SLC8A1: variants seen among roughly 807,000 people sequenced by gnomAD.
The protein encoded by SLC8A1 is solute carrier family 8 member A1.
A neutral mutation model predicts 68.3 loss-of-function variants in SLC8A1; 18 were observed. The observed-to-expected ratio is 0.26, with a 90% CI of 0.18 to 0.39. The LOEUF (loss-of-function observed/expected upper bound fraction) is 0.39, where lower values mean the gene tolerates loss of function less well. Among genes scored for constraint, SLC8A1 ranks in the 10% least tolerant of loss-of-function variants. The pLI, the probability that SLC8A1 is intolerant of heterozygous loss-of-function variation, is 1.00. For synonymous variants in SLC8A1, 475 were observed against 415.5 expected (o/e 1.14, Z -1.74); for missense variants, 985 against 1,156.7 (o/e 0.85, Z 2.15).
intron 2 of SLC8A1, among the ~76,000 whole-genome samples, chr2:40,241,429 C>T (rs1024163393): frequency 2.0e-5 from 3 of 152,158 alleles, no homozygotes; most frequent in Admixed American, 2.0e-4. Flanking sequence ...CCCCAAACTT[C>T]AGCATCACAC....
chr2:40,188,824 T>A (rs901527825), intron 2 of SLC8A1, among the ~76,000 whole-genome samples: 3 of 152,210 alleles, frequency 2.0e-5, no homozygotes, highest in Non-Finnish European at 4.4e-5. Flanking sequence ...AAATGCACAG[T>A]GGCAAATCAA....
At chr2:40,295,942 C>T (rs1185139213) in intron 2 of SLC8A1, among the ~76,000 whole-genome samples, 1 of 152,036 alleles carries the variant, frequency 6.6e-6, no homozygotes, top group Non-Finnish European at 1.5e-5. Flanking sequence ...AGACAGTGTA[C>T]CCAAGGAAAG....
In SLC8A1 at chr2:40,194,647, AAAATT is replaced by A. The variant is rs560109786; in HGVS notation, c.1809-16797_1809-16793del. 3.3e-5 allele frequency among the ~76,000 whole-genome samples: 5 copies of A among 152,254 alleles called. No homozygotes were observed. In the South Asian group the frequency reaches 1.0e-3, roughly 32 times the overall value. ...GTCTAAAAAGATTGGAGGCATTAAT[AAAATT>A]AATAACACCAGTTCCTCGCCCTTCT... On this transcript the variant is annotated intron_variant, in intron 2 of 7. Coordinates refer to ENST00000406785, the Ensembl canonical transcript of SLC8A1.
At chr2:40,284,002 T>G (rs1419071586) in intron 2 of SLC8A1, among the ~76,000 whole-genome samples, 1 of 152,140 alleles carries the variant, frequency 6.6e-6, no homozygotes, top group Non-Finnish European at 1.5e-5. Context: ...TCTAGTGGTT[T>G]AGGAGAAGCA....
chr2:40,262,814 A>C (rs1055022148), intron 2 of SLC8A1, among the ~76,000 whole-genome samples: 1 of 152,188 alleles, frequency 6.6e-6, no homozygotes, highest in Non-Finnish European at 1.5e-5. Context: ...CAGATATTAT[A>C]TGAGAGAGTT....
intron 2 of SLC8A1, among the ~76,000 whole-genome samples, chr2:40,191,860 T>C (rs975157999): frequency 2.0e-5 from 3 of 152,172 alleles, no homozygotes; most frequent in African/African-American, 2.4e-5. Context: ...GACATAATCT[T>C]ATAGGGAAAC....
At chr2:40,257,081 CTG>C in intron 2 of SLC8A1, among the ~76,000 whole-genome samples, 1 of 152,070 alleles carries the variant, frequency 6.6e-6, no homozygotes. Context: ...ATATACATAT[CTG>C]TGTATTTATT....
At chr2:40,311,865 G>T (rs993252984) in intron 2 of SLC8A1, among the ~76,000 whole-genome samples, 2 of 152,026 alleles carry the variant, frequency 1.3e-5, no homozygotes, top group African/African-American at 2.4e-5. Flanking sequence ...AAAAATAAAA[G>T]CAAGTTGTCC....
At chr2:40,444,425 C>G (rs1701063774) in intron 1 of SLC8A1, among the ~76,000 whole-genome samples, 1 of 152,138 alleles carries the variant, frequency 6.6e-6, no homozygotes, top group Non-Finnish European at 1.5e-5. Flanking sequence ...CTGAAAGAGA[C>G]ATTTCAAACC....
intron 7 of SLC8A1, among the ~76,000 whole-genome samples, chr2:40,120,964 TG>T (rs2036638473): frequency 6.6e-6 from 1 of 152,246 alleles, no homozygotes; most frequent in South Asian, 2.1e-4. Flanking sequence ...AATGTAGGTT[TG>T]GGGCTTCACC....
At chr2:40,245,052 G>A (rs969068290) in intron 2 of SLC8A1, among the ~76,000 whole-genome samples, 38 of 152,194 alleles carry the variant, frequency 2.5e-4, no homozygotes, top group Non-Finnish European at 7.3e-5. Flanking sequence ...GTTAAAAATA[G>A]GCAGCCAATA....
chr2:40,419,826 T>C (rs1694980176), intron 2 of SLC8A1, among the ~76,000 whole-genome samples: 1 of 152,186 alleles, frequency 6.6e-6, no homozygotes, highest in Admixed American at 6.6e-5. Context: ...AGACAAATGT[T>C]CTTTGTTGAA....
chr2:40,338,959 C>A (rs1221079388), intron 2 of SLC8A1, among the ~76,000 whole-genome samples: 1 of 152,174 alleles, frequency 6.6e-6, no homozygotes, highest in Non-Finnish European at 1.5e-5. Context: ...TCTCTCCAAG[C>A]CACAGACAGT....
At chr2:40,276,887 A>C (rs1225131761) in intron 2 of SLC8A1, among the ~76,000 whole-genome samples, 1 of 152,226 alleles carries the variant, frequency 6.6e-6, no homozygotes, top group African/African-American at 2.4e-5. Flanking sequence ...TTCTATGAGA[A>C]TTTTGTGGAA....
At chr2:40,457,180 G>A (rs77997695) in intron 1 of SLC8A1, among the ~76,000 whole-genome samples, 3,588 of 152,000 alleles carry the variant, frequency 0.024, 149 homozygotes, top group African/African-American at 0.08. Flanking sequence ...TTTTCTGTAG[G>A]GCGTAAACTT....
intron 1 of SLC8A1, among the ~76,000 whole-genome samples, chr2:40,487,607 A>T (rs934553459): frequency 3.3e-5 from 5 of 152,150 alleles, no homozygotes; most frequent in African/African-American, 4.8e-5. Context: ...TAGTCGGGGG[A>T]AAAATAGTGA....
intron 2 of SLC8A1, among the ~76,000 whole-genome samples, chr2:40,206,165 A>G (rs567177145): frequency 6.6e-6 from 1 of 152,218 alleles, no homozygotes; most frequent in South Asian, 2.1e-4. Context: ...ATGAAGAACC[A>G]ATTAGGTTGT....
chr2:40,342,030 G>A (rs1383002034), intron 2 of SLC8A1, among the ~76,000 whole-genome samples: 3 of 152,030 alleles, frequency 2.0e-5, no homozygotes, highest in African/African-American at 4.8e-5. Context: ...CTAATCAAAG[G>A]TTATTTAGTT....
intron 2 of SLC8A1, among the ~76,000 whole-genome samples, chr2:40,287,337 C>T (rs1045908508): frequency 2.6e-5 from 4 of 152,088 alleles, no homozygotes; most frequent in Non-Finnish European, 5.9e-5. Flanking sequence ...TAGAAAACAG[C>T]TGTGTTTCCA....
Sources: allele counts gnomAD v4.1 joint callset (sites outside exome capture counted in the v4.1 genomes callset), GRCh38; gene constraint gnomAD v4.1.1; transcripts MANE v1.5; gene names NCBI Gene and HGNC (gene_info 2026-07-23, HGNC 2026-07-21).